TRIB2: variants seen among roughly 807,000 people sequenced by gnomAD.
The protein encoded by TRIB2 is tribbles pseudokinase 2.
In TRIB2, 2 loss-of-function variants were observed where a neutral mutation model predicts 26.8. That is an observed-to-expected ratio of 0.07 (90% CI 0.03 to 0.24). The LOEUF (loss-of-function observed/expected upper bound fraction) is 0.24, where lower values mean the gene tolerates loss of function less well. Ranked by LOEUF, TRIB2 falls within the 10% of genes least tolerant of loss-of-function variation. TRIB2 has a pLI of 1.00. For missense variants in TRIB2, 306 were observed against 449.0 expected (o/e 0.68, Z 2.88); for synonymous variants, 189 against 187.3 (o/e 1.01, Z -0.08).
intron 2 of TRIB2, among the ~76,000 whole-genome samples, chr2:12,736,354 C>A (rs992317303): frequency 6.6e-6 from 1 of 152,050 alleles, no homozygotes; most frequent in African/African-American, 2.4e-5. Context: ...GAGTCCCTTG[C>A]ACGAAAAGCT....
intron 2 of TRIB2, among the ~76,000 whole-genome samples, chr2:12,734,069 A>T (rs1395063969): frequency 6.6e-6 from 1 of 152,202 alleles, no homozygotes; most frequent in African/African-American, 2.4e-5. Context: ...TTCATTCAGC[A>T]GGTTGAGAGC....
chr2:12,732,253 G>A lies in TRIB2; in HGVS notation c.564-8073G>A, dbSNP rs547919705. On this transcript the variant is annotated intron_variant, in intron 2 of 2. Transcript: ENST00000155926. The surrounding 1 kb of genome is among the most constrained non-coding windows in gnomAD (Gnocchi z 4.2). ...TGCATGCGGACAGGGCAGGGATTCC[G>A]TCGTGGCCGGGTAGATGGCACTGCA... is the stretch of plus-strand genomic sequence containing the variant. Among the ~76,000 whole-genome samples the A allele has an allele frequency of 1.5e-3, 231 of 152,282 alleles. 1 individual carries two copies. The highest frequency in any genetic ancestry group is 3.8e-3 in the African/African-American group (157 of 41,546).
At chr2:12,726,850 CAGA>C (rs1189598850) in intron 2 of TRIB2, among the ~76,000 whole-genome samples, 14 of 152,334 alleles carry the variant, frequency 9.2e-5, no homozygotes, top group Admixed American at 9.1e-4. Context: ...CCACCTGGTG[CAGA>C]AGAAGACCTG....
In TRIB2 at chr2:12,723,282, A is replaced by G. The variant is rs1661265067; in HGVS notation, c.293A>G (p.Gln98Arg). ...TAGGTGTTTGATATCAGCTGCTACCAGGAATCCCTGGCACCGTGCTTTTGC... is the reference window on the plus strand; with the variant it reads ...TAGGTGTTTGATATCAGCTGCTACCGGGAATCCCTGGCACCGTGCTTTTGC... ...VCKVFDISCY[Q>R]ESLAPCFCLS... Residue 98 changes from glutamine (Q) to arginine (R), a missense_variant, in exon 2 of 3, where the codon CAG becomes CGG. Around this residue, in one of 4 missense-constraint regions of TRIB2, gnomAD observed 118 missense variants for 188.8 expected, o/e 0.63. Coordinates refer to ENST00000155926, the MANE Select transcript of TRIB2 (RefSeq NM_021643.4). 6.2e-7 allele frequency: 1 copy of G among 1,613,706 alleles called. No individual in the cohort carries two copies. Among genetic ancestry groups the G allele is most frequent in the Non-Finnish European group, 8.5e-7 (1 of 1,179,958 alleles).
rs776251980 is a variant in TRIB2, at chr2:12,740,836, G to C, written c.*42G>C. On this transcript the variant is annotated 3_prime_UTR_variant, in exon 3 of 3. Coordinates refer to ENST00000155926, the MANE Select transcript of TRIB2 (RefSeq NM_021643.4). This position sits in a 1 kb window ranked among gnomAD's most constrained non-coding sequence, Gnocchi z 5.8. ...GACTTAGCAGGTTCCAGGAGTGAGC[G>C]AGGGCAGCGGAAAGGAGTTCTTCCG... is the stretch of plus-strand genomic sequence containing the variant. 1.3e-6 allele frequency: 2 copies of C among 1,557,696 alleles called. No individual in the cohort carries two copies. The highest frequency in any genetic ancestry group is 1.7e-6 in the Non-Finnish European group (2 of 1,143,144).
At chr2:12,738,206 G>A (rs1339759761) in intron 2 of TRIB2, among the ~76,000 whole-genome samples, 1 of 152,120 alleles carries the variant, frequency 6.6e-6, no homozygotes, top group South Asian at 2.1e-4. Flanking sequence ...TAGTGGCGGT[G>A]GTGATCACGC....
rs906383780 is a variant in TRIB2, at chr2:12,732,211, G to A, written c.564-8115G>A. 1.3e-5 allele frequency among the ~76,000 whole-genome samples: 2 copies of A among 152,056 alleles called. No homozygotes were observed. Among genetic ancestry groups the A allele is most frequent in the Non-Finnish European group, 2.9e-5 (2 of 68,014 alleles). ...CATCCAGGCACCATGGATGGGAGTCGGGCAGGAATGTGCACCTGCATGCGG... is the reference window on the plus strand; with the variant it reads ...CATCCAGGCACCATGGATGGGAGTCAGGCAGGAATGTGCACCTGCATGCGG... On this transcript the variant is annotated intron_variant, in intron 2 of 2. Coordinates refer to ENST00000155926, the MANE Select transcript of TRIB2 (RefSeq NM_021643.4). The surrounding 1 kb of genome is among the most constrained non-coding windows in gnomAD (Gnocchi z 4.2).
rs943769011 is a variant in TRIB2, at chr2:12,740,182, A to T, written c.564-144A>T. ...GCAGCTAGAAGGTGCTCAGTGAGTAATGTTTGGCTGGTCAGATGAATGCGT... is the reference window on the plus strand; with the variant it reads ...GCAGCTAGAAGGTGCTCAGTGAGTATTGTTTGGCTGGTCAGATGAATGCGT... On this transcript the variant is annotated intron_variant, in intron 2 of 2. Coordinates refer to ENST00000155926, the MANE Select transcript of TRIB2 (RefSeq NM_021643.4). The surrounding 1 kb of genome is among the most constrained non-coding windows in gnomAD (Gnocchi z 5.8). 1 of 812,804 alleles carries T rather than the reference A, an allele frequency of 1.2e-6. No individual in the cohort carries two copies. The highest frequency in any genetic ancestry group is 1.7e-5 in the African/African-American group (1 of 58,104). The allele number at this position is 812,804 out of a possible 1,614,324, so 50.3% of individuals were successfully genotyped here.
At position 12,732,568 on chromosome 2, in the gene TRIB2, A is replaced by C. The variant is rs894582652; in HGVS notation, c.564-7758A>C. On this transcript the variant is annotated intron_variant, in intron 2 of 2. Coordinates refer to ENST00000155926, the MANE Select transcript of TRIB2 (RefSeq NM_021643.4). The surrounding 1 kb of genome is among the most constrained non-coding windows in gnomAD (Gnocchi z 4.2). ...AGGTAGGAGTTGGGGTGGTTCACTG[A>C]CTCTCCAAGACTTGGTGCAGAGGTG... Among the ~76,000 whole-genome samples, 6 of 152,032 alleles carry C rather than the reference A, an allele frequency of 3.9e-5. No homozygotes were observed. Among genetic ancestry groups the C allele is most frequent in the Non-Finnish European group, 7.4e-5 (5 of 67,992 alleles).
At chr2:12,739,996 G>C (rs189023171) in intron 2 of TRIB2, among the ~76,000 whole-genome samples, 91 of 152,316 alleles carry the variant, frequency 6.0e-4, no homozygotes, top group African/African-American at 2.1e-3. Flanking sequence ...GAGAAAGCTA[G>C]TTAATCTCTT....
At chr2:12,726,943 G>A (rs988160865) in intron 2 of TRIB2, among the ~76,000 whole-genome samples, 2 of 152,288 alleles carry the variant, frequency 1.3e-5, no homozygotes, top group East Asian at 1.9e-4. Context: ...CCATGGAAAC[G>A]TTGTTAGTGG....
chr2:12,724,750 C>T, intron 2 of TRIB2: 1 of 1,612,904 alleles, frequency 6.2e-7, no homozygotes, highest in Non-Finnish European at 8.5e-7. Flanking sequence ...ATTTCTCCTT[C>T]TGTTACCTTC....
rs1661713137 is a variant in TRIB2 at position 12,741,561 on chromosome 2, G to T, written c.*767G>T. 6.6e-6 allele frequency: 1 copy of T among 152,236 alleles called. No homozygotes were observed. The highest frequency in any genetic ancestry group is 2.1e-4 in the South Asian group (1 of 4,832). The allele number at this position is 152,236 out of a possible 1,614,324, so 9.4% of individuals were successfully genotyped here. A position where few individuals can be genotyped will look rare whatever the true frequency, so the allele number is the denominator to read the frequency against. On this transcript the variant is annotated 3_prime_UTR_variant, in exon 3 of 3. Coordinates refer to ENST00000155926, the MANE Select transcript of TRIB2 (RefSeq NM_021643.4). ...TGCTATCTTAGTTTAAAGGGGGAAAGAAAAGGGAAGAAGAAAGGAAAAGAG... is the reference window on the plus strand; with the variant it reads ...TGCTATCTTAGTTTAAAGGGGGAAATAAAAGGGAAGAAGAAAGGAAAAGAG...
rs922385291 is a variant in TRIB2 at position 12,719,099 on chromosome 2, G to A, written c.270+522G>A. On this transcript the variant is annotated intron_variant, in intron 1 of 2. Transcript: ENST00000155926. ...GCTGAGCCCAGGGGCCCAGCGCAGG[G>A]AAGGAGTTTACAAAGACCTTTCTTC... Among the ~76,000 whole-genome samples, 5 of 152,172 alleles carry A rather than the reference G, an allele frequency of 3.3e-5. No individual in the cohort carries two copies. In the East Asian group the frequency reaches 9.7e-4, roughly 29 times the overall value.
intron 1 of TRIB2, among the ~76,000 whole-genome samples, chr2:12,719,730 G>A (rs964013557): frequency 6.6e-5 from 10 of 152,090 alleles, no homozygotes; most frequent in African/African-American, 2.4e-4. Flanking sequence ...CTAGTGGACT[G>A]GAGTATTTCA....
rs1415361269 is a variant in TRIB2 at position 12,732,110 on chromosome 2, G to A, written c.564-8216G>A. Among the ~76,000 whole-genome samples, 1 of 152,146 alleles carries A rather than the reference G, an allele frequency of 6.6e-6. No individual in the cohort carries two copies. The highest frequency in any genetic ancestry group is 1.5e-5 in the Non-Finnish European group (1 of 68,024). On this transcript the variant is annotated intron_variant, in intron 2 of 2. Transcript: ENST00000155926. The surrounding 1 kb of genome is among the most constrained non-coding windows in gnomAD (Gnocchi z 4.2). ...TGGACTTCCTCTGTGAAGCCCTGGC[G>A]GCCTGCAGGCTGTGCTTGTGTGGTG...
intron 2 of TRIB2, 92 bp downstream of exon 2, chr2:12,723,644 G>C (rs2278117): frequency 6.9e-7 from 1 of 1,454,314 alleles, no homozygotes; most frequent in Non-Finnish European, 9.2e-7. Context: ...TTTTTTTGCC[G>C]TCTGTGGTCC....
intron 1 of TRIB2, among the ~76,000 whole-genome samples, chr2:12,719,444 A>C (rs1046414792): frequency 2.0e-5 from 3 of 152,090 alleles, no homozygotes; most frequent in Non-Finnish European, 4.4e-5. Context: ...GTGTGCACCC[A>C]CCGGGCCCCA....
chr2:12,724,708 G>A (rs775385892), intron 2 of TRIB2: 26 of 1,612,614 alleles, frequency 1.6e-5, no homozygotes, highest in Middle Eastern at 1.6e-4. Flanking sequence ...TTGGTCCTTC[G>A]TCTGTTTCCA....
Sources: gnomAD v4.1 joint callset for allele counts (sites outside exome capture counted in the v4.1 genomes callset) on GRCh38, gnomAD v4.1.1 for gene constraint, gnomAD v4.1.1 regional missense constraint, Gnocchi (gnomAD v3.1) non-coding constraint, MANE v1.5 for transcripts, NCBI Gene and HGNC (gene_info 2026-07-23, HGNC 2026-07-21) for gene names.